The following CCDC85A variants were observed in gnomAD, a reference collection of about 807,000 sequenced individuals.
CCDC85A encodes the protein coiled-coil domain containing 85A.
In CCDC85A, 38 loss-of-function variants were observed where a neutral mutation model predicts 50.2. The ratio of observed to expected loss-of-function variants is 0.76; its 90% CI spans 0.58 to 0.99. The LOEUF (loss-of-function observed/expected upper bound fraction) is 0.99. Ranked by LOEUF, CCDC85A falls within the 50% of genes least tolerant of loss-of-function variation. The pLI, the probability that CCDC85A is intolerant of heterozygous loss-of-function variation, is 0.00. For missense variants in CCDC85A, 820 were observed against 742.0 expected (o/e 1.11, Z -1.22); for synonymous variants, 366 against 301.4 (o/e 1.21, Z -2.22).
chr2:56,214,711 C>T (rs952602375), intron 2 of CCDC85A, among the ~76,000 whole-genome samples: 1 of 151,862 alleles, frequency 6.6e-6, no homozygotes, highest in Non-Finnish European at 1.5e-5. Context: ...TGTTTCTGAG[C>T]TCTGTGTCCT....
intron 3 of CCDC85A, 63 bp from the exon 4 acceptor site, chr2:56,372,281 T>A (rs1036765986): frequency 7.0e-7 from 1 of 1,432,474 alleles, no homozygotes; most frequent in Admixed American, 2.5e-5. Flanking sequence ...TTCTATCTGC[T>A]TTCTTGAGAC....
intron 2 of CCDC85A, among the ~76,000 whole-genome samples, chr2:56,273,876 A>C (rs1399656699): frequency 6.6e-6 from 1 of 152,168 alleles, no homozygotes; most frequent in African/African-American, 2.4e-5. Flanking sequence ...TTTGTTAGGC[A>C]TAAGGCATAT....
At chr2:56,274,145 A>T (rs1020535823) in intron 2 of CCDC85A, among the ~76,000 whole-genome samples, 1 of 152,080 alleles carries the variant, frequency 6.6e-6, no homozygotes, top group Non-Finnish European at 1.5e-5. Context: ...TGAAATATCT[A>T]TGTATTGTTT....
intron 2 of CCDC85A, among the ~76,000 whole-genome samples, chr2:56,278,149 T>G (rs1217187166): frequency 6.6e-6 from 1 of 152,150 alleles, no homozygotes; most frequent in Non-Finnish European, 1.5e-5. Context: ...CTGTGTGTCT[T>G]TAGTGTCTTT....
At chr2:56,215,535 A>G (rs1316084290) in intron 2 of CCDC85A, among the ~76,000 whole-genome samples, 2 of 150,800 alleles carry the variant, frequency 1.3e-5, no homozygotes, top group Admixed American at 6.6e-5. Flanking sequence ...TTTTTAAAAA[A>G]TCAAGTTGAG....
At chr2:56,291,254 T>C (rs1671691495) in intron 2 of CCDC85A, among the ~76,000 whole-genome samples, 1 of 152,158 alleles carries the variant, frequency 6.6e-6, no homozygotes, top group Non-Finnish European at 1.5e-5. Context: ...TCTAACCATA[T>C]TGTGGGTTCT....
Position 56,240,469 on chromosome 2 carries a change from A to G in CCDC85A, c.1240+47029A>G, listed in dbSNP as rs60273140. Among the ~76,000 whole-genome samples, 247 of 152,096 alleles carry G rather than the reference A, an allele frequency of 1.6e-3. 1 individual carries two copies. Among genetic ancestry groups the G allele is most frequent in the African/African-American group, 5.7e-3 (236 of 41,476 alleles). On this transcript the variant is annotated intron_variant, in intron 2 of 5. Transcript: ENST00000407595. ...AGTAAATAAGTGCTTTCATTATTTC[A>G]TTTTTCGCTTCATTCTTCATTCATT...
chr2:56,350,346 G>C (rs1674855140), intron 3 of CCDC85A, among the ~76,000 whole-genome samples: 1 of 151,900 alleles, frequency 6.6e-6, no homozygotes, highest in South Asian at 2.1e-4. Context: ...CGAGGTGGGC[G>C]GATCACTTGA....
chr2:56,232,312 T>C (rs778617149), intron 2 of CCDC85A, among the ~76,000 whole-genome samples: 2 of 152,144 alleles, frequency 1.3e-5, no homozygotes, highest in Non-Finnish European at 2.9e-5. Flanking sequence ...ACTGCTGATA[T>C]TAGAAAATGG....
chr2:56,344,390 G>A (rs531027545), intron 3 of CCDC85A, among the ~76,000 whole-genome samples: 1 of 152,262 alleles, frequency 6.6e-6, no homozygotes, highest in African/African-American at 2.4e-5. Flanking sequence ...CAGGTGGGAT[G>A]GAGCAGGACA....
At chr2:56,359,978 A>C (rs1335552006) in intron 3 of CCDC85A, among the ~76,000 whole-genome samples, 1 of 152,200 alleles carries the variant, frequency 6.6e-6, no homozygotes, top group African/African-American at 2.4e-5. Context: ...GTGGGTCAGG[A>C]CAAGACTTAG....
intron 1 of CCDC85A, among the ~76,000 whole-genome samples, chr2:56,186,730 A>G (rs554541122): frequency 6.6e-6 from 1 of 152,244 alleles, no homozygotes; most frequent in African/African-American, 2.4e-5. Context: ...ACTGTGTGTG[A>G]TGTCTGTGTG....
chr2:56,276,294 T>TTA (rs1393981707), intron 2 of CCDC85A, among the ~76,000 whole-genome samples: 1 of 152,188 alleles, frequency 6.6e-6, no homozygotes, highest in Non-Finnish European at 1.5e-5. Context: ...TACTGGCTTT[T>TTA]TATTTTGCTT....
At position 56,184,336 on chromosome 2, in the gene CCDC85A, G is replaced by T. The variant is rs879408978; in HGVS notation, c.-289G>T. The T allele has an allele frequency of 3.3e-4, 176 of 531,844 alleles. No homozygotes were observed. Among genetic ancestry groups the T allele is most frequent in the Non-Finnish European group, 4.4e-4 (168 of 378,934 alleles). 32.9% of individuals were successfully genotyped at this position (531,844 alleles called of 1,614,324 possible). On this transcript the variant is annotated 5_prime_UTR_variant, in exon 1 of 6. Transcript: ENST00000407595. ...CCGAGGATTTCCCGCGGCAGCCCCG[G>T]GCTCCCCAGTGCCCCTCACCATGGA...
chr2:56,341,342 G>A (rs1482794993), intron 2 of CCDC85A, among the ~76,000 whole-genome samples: 1 of 152,008 alleles, frequency 6.6e-6, no homozygotes, highest in Non-Finnish European at 1.5e-5. Flanking sequence ...TATTATTTTA[G>A]AGAGACAGTT....
At chr2:56,207,969 G>A (rs963064317) in intron 2 of CCDC85A, among the ~76,000 whole-genome samples, 21 of 152,112 alleles carry the variant, frequency 1.4e-4, no homozygotes, top group Non-Finnish European at 2.9e-5. Flanking sequence ...ATTAGATAAA[G>A]GTGACTTTAA....
intron 2 of CCDC85A, among the ~76,000 whole-genome samples, chr2:56,298,842 T>G: frequency 6.6e-6 from 1 of 152,178 alleles, no homozygotes; most frequent in East Asian, 1.9e-4. Flanking sequence ...TGCTGTGATT[T>G]TATTAGCTAG....
chr2:56,342,043 A>G (rs72803050), intron 2 of CCDC85A, among the ~76,000 whole-genome samples: 3,283 of 152,006 alleles, frequency 0.022, 63 homozygotes, highest in Non-Finnish European at 0.036. Context: ...TAACATTACA[A>G]AATAGTCTTG....
chr2:56,271,904 T>G (rs1156417459), intron 2 of CCDC85A, among the ~76,000 whole-genome samples: 1 of 152,170 alleles, frequency 6.6e-6, no homozygotes, highest in East Asian at 1.9e-4. Context: ...GGATAGAGGC[T>G]AGAGTCCTGT....
Sources: allele counts gnomAD v4.1 joint callset (sites outside exome capture counted in the v4.1 genomes callset), GRCh38; gene constraint gnomAD v4.1.1; transcripts MANE v1.5; gene names NCBI Gene and HGNC (gene_info 2026-07-23, HGNC 2026-07-21).